NPSR1: variants seen among roughly 807,000 people sequenced by gnomAD.
NPSR1 encodes the protein neuropeptide S receptor.
NPSR1 carries 48 observed loss-of-function variants against 46.9 expected under a neutral mutation model. The ratio of observed to expected loss-of-function variants is 1.02; its 90% CI spans 0.81 to 1.30. NPSR1 has a LOEUF of 1.30. Among genes scored for constraint, NPSR1 ranks in the 50% most tolerant of loss-of-function variants. NPSR1 has a pLI of 0.00. For synonymous variants in NPSR1, 176 were observed against 168.1 expected (o/e 1.05, Z -0.36); for missense variants, 450 against 449.5 (o/e 1.00, Z -0.01).
At chr7:34,689,345 C>G (rs1317720665) in intron 2 of NPSR1, among the ~76,000 whole-genome samples, 1 of 152,150 alleles carries the variant, frequency 6.6e-6, no homozygotes, top group African/African-American at 2.4e-5. Context: ...GTGGCTCACG[C>G]CTGTAATCCC....
chr7:34,711,307 G>A (rs956948910), intron 2 of NPSR1: 2 of 154,010 alleles, frequency 1.3e-5, no homozygotes, highest in Non-Finnish European at 2.9e-5. Flanking sequence ...TGGAGGATCT[G>A]ATTCATGAAA....
At chr7:34,713,175 C>CAG (rs1186561450) in intron 2 of NPSR1, among the ~76,000 whole-genome samples, 2 of 152,168 alleles carry the variant, frequency 1.3e-5, no homozygotes, top group Non-Finnish European at 2.9e-5. Flanking sequence ...CTACAGTATA[C>CAG]AGAATTTCAA....
chr7:34,681,944 C>T (rs1187838031), intron 1 of NPSR1, among the ~76,000 whole-genome samples: 2 of 152,144 alleles, frequency 1.3e-5, no homozygotes, highest in Non-Finnish European at 2.9e-5. Context: ...ACCAAAGACA[C>T]TTTTTGAGAG....
intron 2 of NPSR1, among the ~76,000 whole-genome samples, chr7:34,742,334 A>G (rs1196603191): frequency 2.0e-5 from 3 of 152,130 alleles, no homozygotes; most frequent in Non-Finnish European, 2.9e-5. Context: ...TCCACTTTCA[A>G]GTAGACTACA....
intron 4 of NPSR1, among the ~76,000 whole-genome samples, chr7:34,822,180 G>T (rs1010312860): frequency 1.3e-5 from 2 of 152,172 alleles, no homozygotes; most frequent in Non-Finnish European, 2.9e-5. Context: ...GACACGAGAG[G>T]TTCCAGGAAG....
chr7:34,870,528 T>C (rs896253804), intron 8 of NPSR1, among the ~76,000 whole-genome samples: 1 of 151,812 alleles, frequency 6.6e-6, no homozygotes, highest in African/African-American at 2.4e-5. Context: ...GCTAAAATTA[T>C]TCCATACCTA....
intron 6 of NPSR1, among the ~76,000 whole-genome samples, chr7:34,843,865 C>G (rs1790654841): frequency 6.6e-6 from 1 of 152,252 alleles, no homozygotes; most frequent in Non-Finnish European, 1.5e-5. Context: ...CTGAGTGGGC[C>G]TCTGACCAGG....
At chr7:34,700,200 G>T (rs1048300454) in intron 2 of NPSR1, among the ~76,000 whole-genome samples, 1 of 152,118 alleles carries the variant, frequency 6.6e-6, no homozygotes, top group South Asian at 2.1e-4. Context: ...CGGATGTAAC[G>T]AGAGCACCAG....
chr7:34,838,977 C>T lies in NPSR1; in HGVS notation c.757+4517C>T, dbSNP rs1584127776. The stretch of plus-strand genomic sequence containing the variant: ...TATGATCCATGCTATATCCAAATTC[C>T]ATGTTTTTAATTAAATGAGGCATAC... On this transcript the variant is annotated intron_variant, in intron 6 of 8. Transcript: ENST00000360581. Among the ~76,000 whole-genome samples the T allele has an allele frequency of 2.0e-5, 3 of 152,182 alleles. No individual in the cohort carries two copies. In the South Asian group the frequency reaches 6.2e-4, roughly 32 times the overall value.
intron 4 of NPSR1, among the ~76,000 whole-genome samples, chr7:34,824,092 C>A (rs1315846802): frequency 6.6e-6 from 1 of 152,194 alleles, no homozygotes; most frequent in African/African-American, 2.4e-5. Flanking sequence ...AAGGTAGGAT[C>A]TGTATCATGA....
chr7:34,679,249 A>G (rs1792489581), intron 1 of NPSR1, among the ~76,000 whole-genome samples: 1 of 152,218 alleles, frequency 6.6e-6, no homozygotes, highest in Admixed American at 6.5e-5. Context: ...GTTACACAAT[A>G]AATTACAATG....
chr7:34,807,709 G>A (rs957366804), intron 3 of NPSR1, among the ~76,000 whole-genome samples: 1 of 152,124 alleles, frequency 6.6e-6, no homozygotes, highest in Admixed American at 6.5e-5. Context: ...TTTTCTTAAT[G>A]AAAGACCTTA....
intron 3 of NPSR1, among the ~76,000 whole-genome samples, chr7:34,806,151 C>T (rs1285938502): frequency 2.6e-5 from 4 of 152,018 alleles, no homozygotes; most frequent in African/African-American, 9.7e-5. Context: ...CATGGTCTTA[C>T]CATACAACCC....
intron 2 of NPSR1, among the ~76,000 whole-genome samples, chr7:34,721,613 A>T (rs1783862446): frequency 6.6e-6 from 1 of 152,266 alleles, no homozygotes; most frequent in Non-Finnish European, 1.5e-5. Context: ...AGTTTCAGGT[A>T]GCACAAAATT....
At chr7:34,832,867 G>C (rs1177270846) in intron 5 of NPSR1, among the ~76,000 whole-genome samples, 1 of 152,184 alleles carries the variant, frequency 6.6e-6, no homozygotes, top group Non-Finnish European at 1.5e-5. Flanking sequence ...ACTTTCTGGG[G>C]AAGAAGTTTC....
chr7:34,750,919 C>G, intron 2 of NPSR1: 1 of 738,654 alleles, frequency 1.4e-6, no homozygotes, highest in Non-Finnish European at 2.5e-6. Flanking sequence ...TCCTCCACCC[C>G]CAGCTCGGGG....
Position 34,658,220 on chromosome 7 carries a change from T to C in NPSR1, c.-193T>C. The C allele has an allele frequency of 1.7e-6, 1 of 594,750 alleles. No homozygotes were observed. The highest frequency in any genetic ancestry group is 2.9e-6 in the Non-Finnish European group (1 of 340,550). The allele number at this position is 594,750 out of a possible 1,614,324, so 36.8% of individuals were successfully genotyped here. Reference sequence around the variant, plus strand: ...TTGTGCTATGCTGGCTACCTGGTGGTAATTGCCAAGGAGAGAGCAGCACGT... The same window carrying C: ...TTGTGCTATGCTGGCTACCTGGTGGCAATTGCCAAGGAGAGAGCAGCACGT... On this transcript the variant is annotated 5_prime_UTR_variant, in exon 1 of 9. Transcript: ENST00000360581.
intron 2 of NPSR1, among the ~76,000 whole-genome samples, chr7:34,706,374 T>A (rs1432343090): frequency 1.3e-5 from 2 of 152,088 alleles, no homozygotes; most frequent in Non-Finnish European, 2.9e-5. Context: ...ACTGTCTGTC[T>A]ATATGTTAGT....
chr7:34,785,787 C>T (rs1387143222), intron 3 of NPSR1, among the ~76,000 whole-genome samples: 2 of 152,118 alleles, frequency 1.3e-5, no homozygotes, highest in Admixed American at 6.6e-5. Context: ...TTTCCCAGTA[C>T]ATATAAAAGT....
Sources: allele counts gnomAD v4.1 joint callset (sites outside exome capture counted in the v4.1 genomes callset), GRCh38; gene constraint gnomAD v4.1.1; transcripts MANE v1.5; gene names NCBI Gene and HGNC (gene_info 2026-07-23, HGNC 2026-07-21).